HIVEP3: variants seen among roughly 807,000 people sequenced by gnomAD.
HIVEP3 encodes the protein transcription factor HIVEP3.
In HIVEP3, 49 loss-of-function variants were observed where a neutral mutation model predicts 152.8. That is an observed-to-expected ratio of 0.32 (90% CI 0.26 to 0.41). HIVEP3 has a LOEUF of 0.41. Ranked by LOEUF, HIVEP3 falls within the 10% of genes least tolerant of loss-of-function variation. The pLI, the probability that HIVEP3 is intolerant of heterozygous loss-of-function variation, is 1.00. For synonymous variants in HIVEP3, 1,269 were observed against 1,289.0 expected (o/e 0.98, Z 0.33); for missense variants, 2,790 against 3,103.3 (o/e 0.90, Z 2.40).
At chr1:41,995,446 T>C (rs1372702637) in intron 1 of HIVEP3, among the ~76,000 whole-genome samples, 2 of 152,094 alleles carry the variant, frequency 1.3e-5, no homozygotes. Flanking sequence ...AATAAAGCCA[T>C]TTTCAGACAA....
intron 1 of HIVEP3, among the ~76,000 whole-genome samples, chr1:42,008,533 T>C (rs1428863783): frequency 2.0e-5 from 3 of 152,228 alleles, no homozygotes; most frequent in South Asian, 4.1e-4. Context: ...TGGGATTTCT[T>C]TTCATTGCCC....
chr1:41,645,211 A>G (rs561903827), intron 2 of HIVEP3, among the ~76,000 whole-genome samples: 2 of 152,314 alleles, frequency 1.3e-5, no homozygotes, highest in East Asian at 3.9e-4. Context: ...AGACAGGGCA[A>G]TGCCTTGTTC....
chr1:41,856,145 A>G (rs543937223), intron 1 of HIVEP3, among the ~76,000 whole-genome samples: 1 of 152,346 alleles, frequency 6.6e-6, no homozygotes, highest in African/African-American at 2.4e-5. Flanking sequence ...AGGTATCTGC[A>G]TTCTTATATG....
chr1:41,666,139 G>GTA (rs1264608437), intron 2 of HIVEP3, among the ~76,000 whole-genome samples: 1 of 151,966 alleles, frequency 6.6e-6, no homozygotes, highest in African/African-American at 2.4e-5. Flanking sequence ...GTGTGTGTGT[G>GTA]TGTATGTGTG....
In HIVEP3 at chr1:41,582,148, A is replaced by T; in HGVS notation, c.2650T>A (p.Phe884Ile). The change falls in exon 4 of 9, where the codon TTC (phenylalanine) becomes ATC (isoleucine). Residue 884 changes from phenylalanine to isoleucine, a missense_variant. Physicochemically the swap from Phe to Ile is conservative, Grantham distance 21. Around this residue, in one of 9 missense-constraint regions of HIVEP3, gnomAD observed 1,078 missense variants for 1,165.3 expected, o/e 0.93. Transcript: ENST00000372583. This position sits in a 1 kb window ranked among gnomAD's most constrained non-coding sequence, Gnocchi z 4.7. ...GTCTGGCTGCGCTGGGGCCATTGGA[A>T]CTCCTCAGTCTTCTCAGGTTCCTTA... Reference protein sequence around the residue: ...PPKEPEKTEEFQWPQRSQTLA... With the variant: ...PPKEPEKTEEIQWPQRSQTLA... 1 of 1,612,374 alleles carries T rather than the reference A, an allele frequency of 6.2e-7. No homozygotes were observed. Among genetic ancestry groups the T allele is most frequent in the East Asian group, 2.2e-5 (1 of 44,794 alleles).
At chr1:41,700,126 G>C (rs1372755325) in intron 2 of HIVEP3, among the ~76,000 whole-genome samples, 1 of 152,116 alleles carries the variant, frequency 6.6e-6, no homozygotes, top group Non-Finnish European at 1.5e-5. Flanking sequence ...CGACAGAATA[G>C]AGCCCTCCTG....
At chr1:41,898,432 G>A (rs1644568716) in intron 1 of HIVEP3, among the ~76,000 whole-genome samples, 1 of 152,126 alleles carries the variant, frequency 6.6e-6, no homozygotes, top group Admixed American at 6.5e-5. Flanking sequence ...TCTCTAAGTA[G>A]TGCCTCCCAC....
At chr1:41,945,844 T>C (rs1358220980) in intron 1 of HIVEP3, among the ~76,000 whole-genome samples, 1 of 152,228 alleles carries the variant, frequency 6.6e-6, no homozygotes, top group African/African-American at 2.4e-5. Flanking sequence ...CTCTGTCACC[T>C]GACTCTACTG....
intron 1 of HIVEP3, among the ~76,000 whole-genome samples, chr1:41,945,994 A>G (rs758322793): frequency 2.0e-5 from 3 of 152,150 alleles, no homozygotes; most frequent in Non-Finnish European, 4.4e-5. Context: ...TTTACAATAG[A>G]GGTCAGGAGA....
At chr1:41,637,336 G>C (rs934375835) in intron 2 of HIVEP3, among the ~76,000 whole-genome samples, 1 of 152,200 alleles carries the variant, frequency 6.6e-6, no homozygotes, top group Non-Finnish European at 1.5e-5. Context: ...TTTTCTTAAA[G>C]ATAAACATAT....
Position 41,581,528 on chromosome 1 carries a change from A to C in HIVEP3, c.3270T>G (p.Ser1090=). Reference sequence around the variant, plus strand: ...GGGGTCCACCATGTGAGGTGGCCGCAGAGGAAATCTGGGACAATGAGCTTT... The same window carrying C: ...GGGGTCCACCATGTGAGGTGGCCGCCGAGGAAATCTGGGACAATGAGCTTT... The part of the protein sequence containing the change: ...SAKSSLSQIS[S]AATSHGGPPG... The change falls in exon 4 of 9, where the codon TCT becomes TCG. Residue 1090 remains serine, a synonymous_variant. Transcript: ENST00000372583. This position sits in a 1 kb window ranked among gnomAD's most constrained non-coding sequence, Gnocchi z 4.5. 1 of 1,593,680 alleles carries C rather than the reference A, an allele frequency of 6.3e-7. No individual in the cohort carries two copies. Among genetic ancestry groups the C allele is most frequent in the Non-Finnish European group, 8.5e-7 (1 of 1,170,042 alleles).
At chr1:41,529,591 TACAC>T (rs1410233650) in intron 5 of HIVEP3, among the ~76,000 whole-genome samples, 1 of 88,752 alleles carries the variant, frequency 1.1e-5, no homozygotes, top group East Asian at 3.8e-4. Flanking sequence ...CCCACCTTCA[TACAC>T]ATACATACAC....
chr1:41,672,877 T>C (rs1645899126), intron 2 of HIVEP3, among the ~76,000 whole-genome samples: 1 of 152,144 alleles, frequency 6.6e-6, no homozygotes, highest in South Asian at 2.1e-4. Context: ...GATTTGCAAA[T>C]AGATTCTACA....
chr1:41,616,768 A>C (rs1558118415), intron 3 of HIVEP3, among the ~76,000 whole-genome samples: 1 of 151,816 alleles, frequency 6.6e-6, no homozygotes, highest in Non-Finnish European at 1.5e-5. Context: ...TTGTTTTTCT[A>C]AAAATGGTAT....
intron 1 of HIVEP3, among the ~76,000 whole-genome samples, chr1:41,913,786 G>A (rs116370976): frequency 5.3e-4 from 80 of 152,282 alleles, no homozygotes; most frequent in African/African-American, 1.5e-3. Flanking sequence ...ACTGAGATTC[G>A]GAGGAGCATA....
rs200219009 is a variant in HIVEP3, at chr1:41,701,867, T to TATTC, written c.-800-876_-800-873dup. On this transcript the variant is annotated intron_variant, in intron 1 of 8. Transcript: ENST00000372583. ...AGCCCTTGGGGATCCATTCATTCAA[T>TATTC]ATTCATTCATTCAACAGACATTTAT... Among the ~76,000 whole-genome samples, 932 of 152,300 alleles carry TATTC rather than the reference T, an allele frequency of 6.1e-3. 13 individuals carry two copies. The highest frequency in any genetic ancestry group is 0.022 in the African/African-American group (899 of 41,552).
At chr1:42,026,260 G>C (rs1290152763) in intron 1 of HIVEP3, among the ~76,000 whole-genome samples, 1 of 152,044 alleles carries the variant, frequency 6.6e-6, no homozygotes, top group Non-Finnish European at 1.5e-5. Context: ...GGTCTCCTAT[G>C]AGACTCTCCA....
At chr1:41,801,903 T>C (rs1397987465) in intron 1 of HIVEP3, among the ~76,000 whole-genome samples, 1 of 152,120 alleles carries the variant, frequency 6.6e-6, no homozygotes, top group Non-Finnish European at 1.5e-5. Flanking sequence ...AATGAGGGAA[T>C]TGCAGGATCT....
At position 41,575,296 on chromosome 1, in the gene HIVEP3, C is replaced by T. The variant is rs547620396; in HGVS notation, c.5207+248G>A. Among the ~76,000 whole-genome samples, 6 of 152,276 alleles carry T rather than the reference C, an allele frequency of 3.9e-5. No homozygotes were observed. The East Asian group carries it at 1.2e-3, about 29-fold the overall frequency. On this transcript the variant is annotated intron_variant, in intron 5 of 8. Transcript: ENST00000372583. ...GAGAAAATGAGGGGCTGGAGAAAGA[C>T]CCAGACCTCTCCAGATCCTCAACAA...
Sources: allele counts gnomAD v4.1 joint callset (sites outside exome capture counted in the v4.1 genomes callset), GRCh38; gene constraint gnomAD v4.1.1; regional missense constraint gnomAD v4.1.1; non-coding constraint Gnocchi (gnomAD v3.1); transcripts MANE v1.5; gene names NCBI Gene and HGNC (gene_info 2026-07-23, HGNC 2026-07-21).